Variants in CACNA2D2 observed in about 807,000 individuals in gnomAD.
CACNA2D2 encodes voltage-dependent calcium channel subunit alpha-2/delta-2.
CACNA2D2 carries 48 observed loss-of-function variants against 166.4 expected under a neutral mutation model. The ratio of observed to expected loss-of-function variants is 0.29; its 90% confidence interval spans 0.23 to 0.37. The LOEUF is 0.37. Ranked by LOEUF, CACNA2D2 falls within the 10% of genes least tolerant of loss-of-function variation. CACNA2D2 has a pLI of 1.00. For synonymous variants in CACNA2D2, 561 were observed against 573.7 expected (o/e 0.98, Z 0.32); for missense variants, 1,122 against 1,433.0 (o/e 0.78, Z 3.50).
chr3:50,498,803 GCCCCCCTCCACTTC>G (rs1698834495), intron 1 of CACNA2D2, among the ~76,000 whole-genome samples: 1 of 152,190 alleles, frequency 6.6e-6, no homozygotes, highest in Non-Finnish European at 1.5e-5. Flanking sequence ...CAGGCTTCAA[GCCCCCCTCCACTTC>G]CTGGGCCCAC....
intron 3 of CACNA2D2, among the ~76,000 whole-genome samples, chr3:50,416,796 G>A (rs1391428665): frequency 6.6e-6 from 1 of 152,220 alleles, no homozygotes; most frequent in African/African-American, 2.4e-5. Context: ...CCCACCTCTA[G>A]GTGCAGAGGT....
chr3:50,502,938 C>G (rs1476092307), intron 1 of CACNA2D2, among the ~76,000 whole-genome samples: 2 of 127,696 alleles, frequency 1.6e-5, no homozygotes, highest in South Asian at 2.4e-4. Context: ...CTCGGACCGC[C>G]CCCCCCCAAC....
At chr3:50,483,034 C>G (rs997078580) in intron 1 of CACNA2D2, among the ~76,000 whole-genome samples, 32 of 152,186 alleles carry the variant, frequency 2.1e-4, no homozygotes, top group African/African-American at 6.8e-4. Flanking sequence ...CTACAAAGAC[C>G]ACAGAGGGGA....
At chr3:50,466,654 C>A (rs1175190589) in intron 2 of CACNA2D2, among the ~76,000 whole-genome samples, 1 of 152,240 alleles carries the variant, frequency 6.6e-6, no homozygotes, top group African/African-American at 2.4e-5. Flanking sequence ...CATGTTCCAC[C>A]TCACATGAGC....
At position 50,377,729 on chromosome 3, in the gene CACNA2D2, C is replaced by T; in HGVS notation, c.1551+3G>A. The T allele has an allele frequency of 6.2e-7, 1 of 1,611,130 alleles. No individual in the cohort carries two copies. Among genetic ancestry groups the T allele is most frequent in the East Asian group, 2.2e-5 (1 of 44,850 alleles). On this transcript the variant is annotated splice_donor_region_variant and intron_variant, in intron 16 of 37. Coordinates refer to ENST00000424201, the MANE Select transcript of CACNA2D2 (RefSeq NM_006030.4). The stretch of plus-strand genomic sequence containing the variant: ...CATAGCCCCAACCCTCCCCTTTCCT[C>T]ACCTTCTTTTCCCCAGGGCCATCCT...
chr3:50,485,529 C>T (rs1185801931), intron 1 of CACNA2D2, among the ~76,000 whole-genome samples: 5 of 152,226 alleles, frequency 3.3e-5, no homozygotes, highest in Admixed American at 2.0e-4. Flanking sequence ...TCATTATAAA[C>T]GTTGAGGCTG....
intron 3 of CACNA2D2, among the ~76,000 whole-genome samples, chr3:50,433,727 C>A (rs186170875): frequency 2.0e-5 from 3 of 152,128 alleles, no homozygotes; most frequent in Admixed American, 6.5e-5. Context: ...GGCAGCCCAG[C>A]GCATTCCTGT....
Position 50,380,892 on chromosome 3 carries a change from G to T in CACNA2D2, c.785-87C>A. 1 of 1,544,808 alleles carries T rather than the reference G, an allele frequency of 6.5e-7. No homozygotes were observed. Among genetic ancestry groups the T allele is most frequent in the Non-Finnish European group, 8.8e-7 (1 of 1,138,490 alleles). The stretch of plus-strand genomic sequence containing the variant: ...TTGCAGAGGCGACTGGGCTGCCACA[G>T]ACTACAGAGAAGCCACCCCGCCCCA... On this transcript the variant is annotated intron_variant, in intron 7 of 37. Transcript: ENST00000424201. The surrounding 1 kb of genome is among the most constrained non-coding windows in gnomAD (Gnocchi z 4.9).
At chr3:50,469,488 A>G (rs1342976503) in intron 2 of CACNA2D2, among the ~76,000 whole-genome samples, 1 of 152,112 alleles carries the variant, frequency 6.6e-6, no homozygotes, top group African/African-American at 2.4e-5. Flanking sequence ...GAACTTTTCT[A>G]AACTGTGATC....
rs550243941 is a variant in CACNA2D2 at position 50,426,723 on chromosome 3, C to A, written c.405+7590G>T. 3.3e-5 allele frequency among the ~76,000 whole-genome samples: 5 copies of A among 152,206 alleles called. No individual in the cohort carries two copies. The South Asian group carries it at 1.0e-3, about 32-fold the overall frequency. ...GGTCCCTGCATCTTGGAGGAGGTCC[C>A]AGGAGAAGGGCCTGCTCCACGGAGC... On this transcript the variant is annotated intron_variant, in intron 3 of 37. Coordinates refer to ENST00000424201, the MANE Select transcript of CACNA2D2 (RefSeq NM_006030.4).
chr3:50,482,268 G>C (rs774894750), intron 1 of CACNA2D2, among the ~76,000 whole-genome samples: 24 of 152,284 alleles, frequency 1.6e-4, no homozygotes, highest in Non-Finnish European at 3.2e-4. Context: ...GGAAGTTCAA[G>C]GGTGCACTCC....
chr3:50,497,418 A>T (rs1057164831), intron 1 of CACNA2D2, among the ~76,000 whole-genome samples: 1 of 152,178 alleles, frequency 6.6e-6, no homozygotes, highest in African/African-American at 2.4e-5. Context: ...TCCCCACCTA[A>T]TCCCAGCTAG....
At chr3:50,471,227 C>T (rs1461661718) in intron 2 of CACNA2D2, among the ~76,000 whole-genome samples, 2 of 151,518 alleles carry the variant, frequency 1.3e-5, no homozygotes, top group African/African-American at 4.9e-5. Flanking sequence ...GGGAGCCCTG[C>T]AGAGGGGCTG....
intron 1 of CACNA2D2, among the ~76,000 whole-genome samples, chr3:50,495,833 G>A (rs918841658): frequency 3.3e-5 from 5 of 152,186 alleles, no homozygotes; most frequent in Admixed American, 6.5e-5. Context: ...GATTTTCCAC[G>A]CGGGGAAGGG....
intron 2 of CACNA2D2, among the ~76,000 whole-genome samples, chr3:50,461,745 CAAAAAAAAAAAA>C (rs561980044): frequency 2.5e-5 from 1 of 40,598 alleles, no homozygotes. Flanking sequence ...TGGGGAGTCT[CAAAAAAAAAAAA>C]AAAAAAGAAA....
intron 1 of CACNA2D2, among the ~76,000 whole-genome samples, chr3:50,483,515 T>A (rs1698147028): frequency 6.6e-6 from 1 of 152,188 alleles, no homozygotes; most frequent in Admixed American, 6.5e-5. Context: ...GAGGCAGCAG[T>A]CTGTGCCTCC....
chr3:50,405,962 T>C (rs936412616), intron 3 of CACNA2D2, among the ~76,000 whole-genome samples: 6 of 152,086 alleles, frequency 3.9e-5, no homozygotes, highest in African/African-American at 1.2e-4. Flanking sequence ...TCTGACCCTG[T>C]TCCTGGCGAT....
chr3:50,422,896 G>A (rs978489127), intron 3 of CACNA2D2, among the ~76,000 whole-genome samples: 5 of 152,210 alleles, frequency 3.3e-5, no homozygotes, highest in African/African-American at 1.2e-4. Context: ...GAAGTAAACA[G>A]GATTTAGTTG....
chr3:50,421,295 A>C (rs1216248109), intron 3 of CACNA2D2, among the ~76,000 whole-genome samples: 4 of 152,200 alleles, frequency 2.6e-5, no homozygotes, highest in Admixed American at 1.3e-4. Flanking sequence ...GGATTAGCAG[A>C]AGAATATTTG....
Sources: allele counts gnomAD v4.1 joint callset (sites outside exome capture counted in the v4.1 genomes callset), GRCh38; gene constraint gnomAD v4.1.1; non-coding constraint Gnocchi (gnomAD v3.1); transcripts MANE v1.5; gene names NCBI Gene and HGNC (gene_info 2026-07-23, HGNC 2026-07-21).